PRKACB: variants seen among roughly 807,000 people sequenced by gnomAD.
PRKACB encodes the protein protein kinase cAMP-activated catalytic subunit beta, also known as cAMP-dependent protein kinase catalytic subunit beta.
In PRKACB, 16 loss-of-function variants were observed where a neutral mutation model predicts 51.4. That is an observed-to-expected ratio of 0.31 (90% CI 0.21 to 0.47). The LOEUF (loss-of-function observed/expected upper bound fraction) is 0.47. Among genes scored for constraint, PRKACB ranks in the 20% least tolerant of loss-of-function variants. PRKACB has a pLI of 1.00. For missense variants in PRKACB, 309 were observed against 464.5 expected, an observed-to-expected ratio of 0.67 and a Z score of 3.08; for synonymous variants, 147 against 154.4, an observed-to-expected ratio of 0.95 and a Z score of 0.35.
At chr1:84,228,520 T>C (rs1675018829) in intron 9 of PRKACB, among the ~76,000 whole-genome samples, 1 of 152,182 alleles carries the variant, frequency 6.6e-6, no homozygotes, top group Non-Finnish European at 1.5e-5. Context: ...ATTATGATTT[T>C]TTTTTTTTAG....
At chr1:84,215,959 G>A (rs1355174162) in intron 9 of PRKACB, among the ~76,000 whole-genome samples, 1 of 151,572 alleles carries the variant, frequency 6.6e-6, no homozygotes, top group Non-Finnish European at 1.5e-5. Context: ...ACATGATTGA[G>A]TTTCCTTAAG....
intron 1 of PRKACB, chr1:84,078,427 G>A (rs923999461): frequency 1.5e-5 from 23 of 1,585,646 alleles, no homozygotes; most frequent in Non-Finnish European, 2.0e-5. Context: ...GGGGCACCGA[G>A]CGCCCTCCGG....
At chr1:84,181,698 CAG>C (rs780713236) in intron 2 of PRKACB, 63 of 1,523,776 alleles carry the variant, frequency 4.1e-5, no homozygotes, top group Non-Finnish European at 5.1e-5. Flanking sequence ...TATATAAAGA[CAG>C]AAATGAAGCA....
intron 1 of PRKACB, among the ~76,000 whole-genome samples, chr1:84,153,934 A>C (rs1319026028): frequency 6.6e-6 from 1 of 152,128 alleles, no homozygotes; most frequent in Non-Finnish European, 1.5e-5. Flanking sequence ...TAATTTTTTG[A>C]GGATCCTTCA....
chr1:84,149,418 C>T (rs996403616), intron 1 of PRKACB, among the ~76,000 whole-genome samples: 2 of 152,012 alleles, frequency 1.3e-5, no homozygotes. Context: ...TGCCACCATA[C>T]CCGGCTAATT....
intron 9 of PRKACB, among the ~76,000 whole-genome samples, chr1:84,232,227 G>A (rs1341055294): frequency 1.7e-4 from 25 of 151,506 alleles, no homozygotes; most frequent in African/African-American, 5.1e-4. Flanking sequence ...GTAGTTGAGC[G>A]GTTTTGAGTG....
At chr1:84,166,729 T>A (rs899097170) in intron 1 of PRKACB, among the ~76,000 whole-genome samples, 2 of 151,770 alleles carry the variant, frequency 1.3e-5, no homozygotes, top group Non-Finnish European at 3.0e-5. Flanking sequence ...AGTCTGTAAC[T>A]ACACATGTGA....
At chr1:84,082,997 A>T (rs1557897078) in intron 1 of PRKACB, among the ~76,000 whole-genome samples, 1 of 152,212 alleles carries the variant, frequency 6.6e-6, no homozygotes, top group Non-Finnish European at 1.5e-5. Flanking sequence ...ATTATAGTTC[A>T]ATAATTTGTG....
At chr1:84,197,630 A>G in intron 6 of PRKACB, 99 bp from the exon 7 acceptor site, 1 of 744,972 alleles carries the variant, frequency 1.3e-6, no homozygotes, top group African/African-American at 1.8e-5. Context: ...CATTTCTTTC[A>G]TAGTTTCAAT....
intron 1 of PRKACB, among the ~76,000 whole-genome samples, chr1:84,175,396 C>T (rs1660900385): frequency 6.6e-6 from 1 of 151,648 alleles, no homozygotes. Context: ...GAATGATATT[C>T]TTTTAAGAAT....
chr1:84,176,122 C>T (rs996267959), intron 1 of PRKACB, among the ~76,000 whole-genome samples: 1 of 151,644 alleles, frequency 6.6e-6, no homozygotes, highest in African/African-American at 2.4e-5. Flanking sequence ...AGCTCTGAAA[C>T]CATCATAATA....
chr1:84,179,163 A>G lies in PRKACB; in HGVS notation c.188-14A>G, dbSNP rs781471167. 2 of 1,579,842 alleles carry G rather than the reference A, an allele frequency of 1.3e-6. No individual in the cohort carries two copies. The highest frequency in any genetic ancestry group is 3.5e-5 in the Admixed American group (2 of 57,864). On this transcript the variant is annotated splice_polypyrimidine_tract_variant and intron_variant, in intron 1 of 9. Transcript: ENST00000370685. ...TCTTACAAGATAAATTTGTTTTTAT[A>G]TGTATATTTTCAGTGAAAGAGTTTC...
At chr1:84,156,984 C>G (rs1655580400) in intron 1 of PRKACB, among the ~76,000 whole-genome samples, 1 of 152,120 alleles carries the variant, frequency 6.6e-6, no homozygotes, top group African/African-American at 2.4e-5. Context: ...CAGCCTGAAT[C>G]ACCAACCCAG....
At chr1:84,206,661 T>G (rs1671386375) in intron 8 of PRKACB, among the ~76,000 whole-genome samples, 1 of 152,172 alleles carries the variant, frequency 6.6e-6, no homozygotes, top group South Asian at 2.1e-4. Context: ...TGGTCACATA[T>G]GCACCCTCTG....
At chr1:84,084,836 C>T (rs572427583) in intron 1 of PRKACB, among the ~76,000 whole-genome samples, 3 of 152,156 alleles carry the variant, frequency 2.0e-5, no homozygotes, top group Admixed American at 1.3e-4. Flanking sequence ...TCGGGATACC[C>T]GTGGCATTTC....
chr1:84,129,621 A>G (rs1391835512), intron 1 of PRKACB, among the ~76,000 whole-genome samples: 1 of 152,198 alleles, frequency 6.6e-6, no homozygotes, highest in African/African-American at 2.4e-5. Flanking sequence ...CTATTATTAA[A>G]TTATTAAAAT....
intron 1 of PRKACB, among the ~76,000 whole-genome samples, chr1:84,120,430 G>A (rs941482029): frequency 3.9e-5 from 6 of 152,052 alleles, no homozygotes; most frequent in Non-Finnish European, 5.9e-5. Context: ...ATGAAAATGC[G>A]TATCAGCAGG....
intron 5 of PRKACB, among the ~76,000 whole-genome samples, chr1:84,188,876 G>C (rs895220202): frequency 6.6e-6 from 1 of 151,762 alleles, no homozygotes; most frequent in Non-Finnish European, 1.5e-5. Flanking sequence ...TGGTCAAAAC[G>C]GAGTAACAGG....
At position 84,162,608 on chromosome 1, in the gene PRKACB, C is replaced by T. The variant is rs891929831; in HGVS notation, c.188-16569C>T. On this transcript the variant is annotated intron_variant, in intron 1 of 9. Transcript: ENST00000370685. Reference sequence around the variant, plus strand: ...GAGTTTTAAAATTTTGGTTATTATACTTTTCAAATCTGCACTTTTTATTTT... The same window carrying T: ...GAGTTTTAAAATTTTGGTTATTATATTTTTCAAATCTGCACTTTTTATTTT... Among the ~76,000 whole-genome samples the T allele has an allele frequency of 3.3e-5, 5 of 152,120 alleles. No homozygotes were observed. In the East Asian group the frequency reaches 9.7e-4, roughly 29 times the overall value.
Sources: gnomAD v4.1 joint callset for allele counts (sites outside exome capture counted in the v4.1 genomes callset) on GRCh38, gnomAD v4.1.1 for gene constraint, MANE v1.5 for transcripts, NCBI Gene and HGNC (gene_info 2026-07-23, HGNC 2026-07-21) for gene names.